Variants in ZBTB7C observed in about 807,000 individuals in gnomAD.
The protein encoded by ZBTB7C is zinc finger and BTB domain-containing protein 7C.
ZBTB7C carries 8 observed loss-of-function variants against 25.7 expected under a neutral mutation model. That is an observed-to-expected ratio of 0.31 (90% CI 0.18 to 0.56). ZBTB7C has a LOEUF of 0.56. ZBTB7C is among the 20% of genes least tolerant of loss of function. The probability of loss-of-function intolerance (pLI) is 0.91; values close to 1 mark genes in which losing one functional copy is unlikely to be tolerated. For missense variants in ZBTB7C, 824 were observed against 855.2 expected (o/e 0.96, Z 0.46); for synonymous variants, 394 against 369.0 (o/e 1.07, Z -0.78).
chr18:48,284,611 T>C lies in ZBTB7C; in HGVS notation c.-79+53563A>G, dbSNP rs544523108. Reference sequence around the variant, plus strand: ...GTGCTTGAGACCAAGCTGGCCAACATAGCGGAACCGTGTCTCTACTAAAAA... The same window carrying C: ...GTGCTTGAGACCAAGCTGGCCAACACAGCGGAACCGTGTCTCTACTAAAAA... On this transcript the variant is annotated intron_variant, in intron 2 of 4. Transcript: ENST00000590800. 1.6e-3 allele frequency among the ~76,000 whole-genome samples: 248 copies of C among 152,098 alleles called. 3 individuals are homozygous for C. The highest frequency in any genetic ancestry group is 5.5e-3 in the African/African-American group (229 of 41,494).
chr18:48,142,956 T>C (rs1282471668), intron 3 of ZBTB7C, among the ~76,000 whole-genome samples: 2 of 148,116 alleles, frequency 1.4e-5, no homozygotes, highest in African/African-American at 2.7e-5. Flanking sequence ...GCTTTGGCTA[T>C]AAAGTGGTGA....
chr18:48,241,129 G>A (rs533823278), intron 2 of ZBTB7C, among the ~76,000 whole-genome samples: 22 of 151,662 alleles, frequency 1.5e-4, no homozygotes, highest in African/African-American at 5.3e-4. Context: ...ATGATAAAAG[G>A]ACTATTTAAA....
chr18:48,110,560 T>C (rs2039202858), intron 3 of ZBTB7C, among the ~76,000 whole-genome samples: 1 of 152,262 alleles, frequency 6.6e-6, no homozygotes, highest in Non-Finnish European at 1.5e-5. Flanking sequence ...TTATTAATTA[T>C]GATTCTTAAT....
At chr18:48,355,477 T>C (rs907485792) in intron 1 of ZBTB7C, among the ~76,000 whole-genome samples, 1 of 152,224 alleles carries the variant, frequency 6.6e-6, no homozygotes, top group African/African-American at 2.4e-5. Context: ...TTCCACGTTC[T>C]GGCTCCCATA....
At chr18:48,411,287 A>G (rs2048382609), upstream of ZBTB7C, among the ~76,000 whole-genome samples, 1 of 152,236 alleles carries the variant, frequency 6.6e-6, no homozygotes, top group Non-Finnish European at 1.5e-5. Flanking sequence ...TTGGACAGCC[A>G]TCTTATCCAA....
chr18:48,126,469 T>C (rs2039803777), intron 3 of ZBTB7C, among the ~76,000 whole-genome samples: 1 of 152,202 alleles, frequency 6.6e-6, no homozygotes, highest in Non-Finnish European at 1.5e-5. Context: ...TGGAACTGAT[T>C]GTGGACTCCA....
intron 2 of ZBTB7C, among the ~76,000 whole-genome samples, chr18:48,233,536 T>TA (rs1303121722): frequency 1.3e-5 from 2 of 152,224 alleles, no homozygotes; most frequent in African/African-American, 4.8e-5. Flanking sequence ...AGTGCTATCT[T>TA]ACTGCCTACA....
At chr18:48,393,258 C>T (rs929040897) in intron 1 of ZBTB7C, among the ~76,000 whole-genome samples, 1 of 126,146 alleles carries the variant, frequency 7.9e-6, no homozygotes, top group Admixed American at 8.5e-5. Context: ...CCCCACCCCC[C>T]ACCCCTGCCA....
chr18:48,029,644 GAGCAGGCTGGCGGCCCTCCACGC>G lies in ZBTB7C; in HGVS notation c.1453_1475del (p.Ala485LeufsTer75). The G allele has an allele frequency of 6.5e-7, 1 of 1,538,446 alleles. No homozygotes were observed. The highest frequency in any genetic ancestry group is 8.7e-7 in the Non-Finnish European group (1 of 1,150,328). ...CGGGGGCCGGGCCGCCGGGCCCGAAGAGCAGGCTGGCGGCCCTCCACGCAGCAGGCTTGCGGCCGCGTCGGGGC... is the reference window on the plus strand; with the variant it reads ...CGGGGGCCGGGCCGCCGGGCCCGAAGAGCAGGCTTGCGGCCGCGTCGGGGC... On this transcript the variant is annotated frameshift_variant, in exon 5 of 5. Coordinates refer to ENST00000590800, the MANE Select transcript of ZBTB7C (RefSeq NM_001318841.2). LOFTEE classifies it low-confidence loss of function (END_TRUNC).
intron 3 of ZBTB7C, among the ~76,000 whole-genome samples, chr18:48,111,867 C>G (rs911783745): frequency 6.6e-6 from 1 of 152,184 alleles, no homozygotes; most frequent in African/African-American, 2.4e-5. Flanking sequence ...ATTTCGGACC[C>G]TGAAATTATT....
At chr18:48,076,869 C>T (rs2037785141) in intron 3 of ZBTB7C, 23 of 923,148 alleles carry the variant, frequency 2.5e-5, no homozygotes, top group Non-Finnish European at 2.6e-5. Context: ...TGCCCAAAGC[C>T]CGAACCATGA....
intron 3 of ZBTB7C, among the ~76,000 whole-genome samples, chr18:48,118,066 C>T (rs528316248): frequency 4.1e-5 from 6 of 146,680 alleles, no homozygotes; most frequent in Admixed American, 2.8e-4. Flanking sequence ...AGTGCAGTGG[C>T]GTAATCTTGA....
intron 2 of ZBTB7C, among the ~76,000 whole-genome samples, chr18:48,280,695 G>A (rs574620579): frequency 3.9e-5 from 6 of 152,088 alleles, no homozygotes; most frequent in East Asian, 1.9e-4. Flanking sequence ...ACACACCTAC[G>A]GAGCCAGAGT....
At chr18:48,124,979 C>T (rs1219999177) in intron 3 of ZBTB7C, among the ~76,000 whole-genome samples, 5 of 152,138 alleles carry the variant, frequency 3.3e-5, no homozygotes, top group African/African-American at 9.7e-5. Context: ...TTTCATCAGC[C>T]GTGGCAGGAG....
intron 3 of ZBTB7C, among the ~76,000 whole-genome samples, chr18:48,068,479 C>T (rs1429951056): frequency 6.7e-6 from 1 of 149,218 alleles, no homozygotes; most frequent in Non-Finnish European, 1.5e-5. Context: ...ACATCAGACA[C>T]CTCAGAAGCT....
chr18:48,297,643 C>G (rs1007679975), intron 2 of ZBTB7C, among the ~76,000 whole-genome samples: 3 of 152,190 alleles, frequency 2.0e-5, no homozygotes, highest in African/African-American at 7.2e-5. Context: ...CAGTGCCGGG[C>G]AACTGCAGAA....
chr18:48,195,779 C>T (rs1319061937), intron 2 of ZBTB7C, among the ~76,000 whole-genome samples: 5 of 152,176 alleles, frequency 3.3e-5, no homozygotes, highest in Non-Finnish European at 2.9e-5. Flanking sequence ...CCTAACTCAA[C>T]AGCATTTTTA....
chr18:48,131,307 G>A (rs936840687), intron 3 of ZBTB7C, among the ~76,000 whole-genome samples: 1 of 152,246 alleles, frequency 6.6e-6, no homozygotes, highest in African/African-American at 2.4e-5. Context: ...TCATAGCAGA[G>A]CATAGTCCAG....
intron 2 of ZBTB7C, among the ~76,000 whole-genome samples, chr18:48,337,437 G>T (rs1046259716): frequency 4.6e-5 from 7 of 152,212 alleles, no homozygotes; most frequent in Non-Finnish European, 8.8e-5. Flanking sequence ...CAGCCTACTG[G>T]CTGGCCCCTG....
Sources: gnomAD v4.1 joint callset for allele counts (sites outside exome capture counted in the v4.1 genomes callset) on GRCh38, gnomAD v4.1.1 for gene constraint, MANE v1.5 for transcripts, NCBI Gene and HGNC (gene_info 2026-07-23, HGNC 2026-07-21) for gene names.